Variants in NTM observed in about 807,000 individuals in gnomAD.
NTM encodes neurotrimin.
A neutral mutation model predicts 42.1 loss-of-function variants in NTM; 13 were observed. The ratio of observed to expected loss-of-function variants is 0.31; its 90% CI spans 0.20 to 0.49. The LOEUF (loss-of-function observed/expected upper bound fraction) is 0.49. NTM is among the 20% of genes least tolerant of loss of function. The pLI, the probability that NTM is intolerant of heterozygous loss-of-function variation, is 0.99. For synonymous variants in NTM, 187 were observed against 179.2 expected, an observed-to-expected ratio of 1.04 and a Z score of -0.35; for missense variants, 373 against 452.8, an observed-to-expected ratio of 0.82 and a Z score of 1.60.
intron 2 of NTM, among the ~76,000 whole-genome samples, chr11:132,065,796 C>T (rs1280200315): frequency 1.3e-5 from 2 of 152,154 alleles, no homozygotes; most frequent in Non-Finnish European, 2.9e-5. Flanking sequence ...TTCATCGTAA[C>T]AATTGGGTGA....
chr11:131,503,501 A>T (rs2047085905), intron 1 of NTM, among the ~76,000 whole-genome samples: 1 of 151,666 alleles, frequency 6.6e-6, no homozygotes, highest in Non-Finnish European at 1.5e-5. Context: ...GGGTCGTGTC[A>T]AGTCCACTTC....
At chr11:131,597,808 A>G (rs2059945803) in intron 1 of NTM, among the ~76,000 whole-genome samples, 1 of 152,216 alleles carries the variant, frequency 6.6e-6, no homozygotes, top group Non-Finnish European at 1.5e-5. Context: ...GCTCCTTGTT[A>G]TCTTTATTAT....
At chr11:132,314,507 C>CATAACCATCTTGTTTT in intron 6 of NTM, 45 bp from the exon 7 acceptor site, 1 of 1,577,784 alleles carries the variant, frequency 6.3e-7, no homozygotes, top group South Asian at 1.2e-5. Context: ...TATGAGGACA[C>CATAACCATCTTGTTTT]ATAACCATCT....
At chr11:131,397,149 T>A (rs564941011) in intron 1 of NTM, among the ~76,000 whole-genome samples, 1 of 152,326 alleles carries the variant, frequency 6.6e-6, no homozygotes, top group Non-Finnish European at 1.5e-5. Flanking sequence ...AACACAAATA[T>A]ATGAGGAAAA....
chr11:131,452,824 AT>A (rs1326989449), intron 1 of NTM, among the ~76,000 whole-genome samples: 1 of 152,102 alleles, frequency 6.6e-6, no homozygotes, highest in East Asian at 1.9e-4. Flanking sequence ...TTTGGGTGGG[AT>A]TTTTATCGCT....
chr11:132,045,511 C>T (rs1387207625), intron 2 of NTM, among the ~76,000 whole-genome samples: 1 of 152,114 alleles, frequency 6.6e-6, no homozygotes, highest in Non-Finnish European at 1.5e-5. Flanking sequence ...TACAAACATA[C>T]TAGTATGGTC....
intron 1 of NTM, chr11:131,535,862 A>G (rs2052106612): frequency 6.6e-6 from 1 of 152,248 alleles, no homozygotes; most frequent in African/African-American, 2.4e-5. Context: ...ACGAGTGCTT[A>G]TAGAATGCTA....
At chr11:132,164,593 G>T (rs909495428) in intron 3 of NTM, among the ~76,000 whole-genome samples, 2 of 151,940 alleles carry the variant, frequency 1.3e-5, no homozygotes, top group African/African-American at 4.8e-5. Context: ...ATGGCTGATG[G>T]AATGTCTGGC....
chr11:132,167,698 A>G (rs1212010381), intron 3 of NTM, among the ~76,000 whole-genome samples: 1 of 152,200 alleles, frequency 6.6e-6, no homozygotes, highest in African/African-American at 2.4e-5. Context: ...AATGTATTGT[A>G]TTATACATAG....
chr11:132,108,368 T>C (rs2062686668), intron 2 of NTM, among the ~76,000 whole-genome samples: 1 of 152,206 alleles, frequency 6.6e-6, no homozygotes, highest in African/African-American at 2.4e-5. Context: ...AGGAATGAAA[T>C]AGTGCCATTT....
chr11:131,630,266 A>G (rs761948311), intron 1 of NTM, among the ~76,000 whole-genome samples: 3 of 152,152 alleles, frequency 2.0e-5, no homozygotes, highest in Non-Finnish European at 2.9e-5. Flanking sequence ...ATTACATTTA[A>G]TATCTAAAAA....
intron 1 of NTM, among the ~76,000 whole-genome samples, chr11:131,903,304 G>A (rs1166121415): frequency 1.3e-5 from 2 of 152,218 alleles, no homozygotes; most frequent in Non-Finnish European, 2.9e-5. Flanking sequence ...AGATAGCCAT[G>A]TCCCAGCTAG....
At chr11:131,977,304 G>C (rs1360103975) in intron 2 of NTM, among the ~76,000 whole-genome samples, 15 of 152,216 alleles carry the variant, frequency 9.9e-5, no homozygotes, top group African/African-American at 1.7e-4. Context: ...GTCACCCCAC[G>C]TGTTGTACTG....
At chr11:131,410,141 G>T (rs192127432) in intron 1 of NTM, among the ~76,000 whole-genome samples, 1 of 152,138 alleles carries the variant, frequency 6.6e-6, no homozygotes, top group Non-Finnish European at 1.5e-5. Flanking sequence ...TGGGTTCAGG[G>T]TTTGGATGCA....
chr11:131,498,423 G>A (rs371467075), intron 1 of NTM, among the ~76,000 whole-genome samples: 3 of 152,098 alleles, frequency 2.0e-5, no homozygotes, highest in African/African-American at 7.2e-5. Context: ...TTTTTGTACT[G>A]TTACTTTATT....
intron 1 of NTM, among the ~76,000 whole-genome samples, chr11:131,520,272 G>A (rs1419108659): frequency 6.6e-6 from 1 of 152,106 alleles, no homozygotes; most frequent in African/African-American, 2.4e-5. Context: ...ATTCTTTTAA[G>A]TCTACCTGAT....
intron 1 of NTM, among the ~76,000 whole-genome samples, chr11:131,724,636 A>G (rs1374321239): frequency 6.6e-6 from 1 of 152,180 alleles, no homozygotes; most frequent in Non-Finnish European, 1.5e-5. Context: ...GATTACCTCC[A>G]TTTCAAAACC....
chr11:132,094,299 T>A (rs191534611), intron 2 of NTM, among the ~76,000 whole-genome samples: 1 of 152,188 alleles, frequency 6.6e-6, no homozygotes, highest in Non-Finnish European at 1.5e-5. Context: ...GAAAGATAAG[T>A]TGGCAAGCTG....
chr11:132,178,399 TA>T (rs1292993562), intron 3 of NTM, among the ~76,000 whole-genome samples: 1 of 152,218 alleles, frequency 6.6e-6, no homozygotes, highest in Non-Finnish European at 1.5e-5. Context: ...TCAGGAGGCT[TA>T]AAAAGAAATT....
Sources: allele counts gnomAD v4.1 joint callset (sites outside exome capture counted in the v4.1 genomes callset), GRCh38; gene constraint gnomAD v4.1.1; transcripts MANE v1.5; gene names NCBI Gene and HGNC (gene_info 2026-07-23, HGNC 2026-07-21).